AGAP1: variants seen among roughly 807,000 people sequenced by gnomAD.
AGAP1 encodes the protein ArfGAP with GTPase domain, ankyrin repeat and PH domain 1, also known as arf-GAP with GTPase, ANK repeat and PH domain-containing protein 1.
AGAP1 carries 29 observed loss-of-function variants against 105.3 expected under a neutral mutation model. The observed-to-expected ratio is 0.28, with a 90% CI of 0.21 to 0.38. The LOEUF (loss-of-function observed/expected upper bound fraction) is 0.38. AGAP1 is among the 10% of genes least tolerant of loss of function. AGAP1 has a pLI of 1.00. For missense variants in AGAP1, 998 were observed against 1,165.1 expected (o/e 0.86, Z 2.09); for synonymous variants, 509 against 485.9 (o/e 1.05, Z -0.63).
chr2:235,722,383 A>G (rs1243796627), intron 3 of AGAP1, among the ~76,000 whole-genome samples: 1 of 152,134 alleles, frequency 6.6e-6, no homozygotes, highest in Non-Finnish European at 1.5e-5. Context: ...ACTTTATCCT[A>G]ATCATGACCT....
intron 1 of AGAP1, among the ~76,000 whole-genome samples, chr2:235,501,026 C>A (rs1470647617): frequency 6.6e-6 from 1 of 152,168 alleles, no homozygotes; most frequent in Non-Finnish European, 1.5e-5. Flanking sequence ...GCCTGCTTTC[C>A]ATGGGACAGG....
rs976539855 is a variant in AGAP1 at position 235,736,375 on chromosome 2, C to T, written c.311-4588C>T. ...GTTATGCTGATGTCATTTAATCGTA[C>T]GTCATCATAATTGGCAGCAGAGAAG... On this transcript the variant is annotated intron_variant, in intron 3 of 17. Transcript: ENST00000304032. The surrounding 1 kb of genome is among the most constrained non-coding windows in gnomAD (Gnocchi z 5.5). 8.5e-5 allele frequency among the ~76,000 whole-genome samples: 13 copies of T among 152,060 alleles called. No individual in the cohort carries two copies. Among genetic ancestry groups the T allele is most frequent in the Non-Finnish European group, 7.4e-5 (5 of 68,020 alleles).
chr2:235,863,684 C>T (rs1256372880), intron 9 of AGAP1, among the ~76,000 whole-genome samples: 3 of 152,232 alleles, frequency 2.0e-5, no homozygotes, highest in South Asian at 2.1e-4. Flanking sequence ...TGGCTAACTA[C>T]GGGTCGCTGG....
chr2:235,782,700 T>C (rs1956343299), intron 6 of AGAP1, among the ~76,000 whole-genome samples: 1 of 152,208 alleles, frequency 6.6e-6, no homozygotes, highest in African/African-American at 2.4e-5. Flanking sequence ...GGGAGAACGC[T>C]GAAGCCCAGA....
chr2:235,870,438 C>T (rs981929950), intron 9 of AGAP1, among the ~76,000 whole-genome samples: 2 of 152,096 alleles, frequency 1.3e-5, no homozygotes, highest in African/African-American at 4.8e-5. Flanking sequence ...ACCAGCCTAG[C>T]CAACATGGCG....
Position 235,963,994 on chromosome 2 carries a change from C to T in AGAP1, c.1484-4468C>T, listed in dbSNP as rs771154161. The stretch of plus-strand genomic sequence containing the variant: ...ACGGAAGAGAGTTTATGATATAATG[C>T]ACCTACTGTAGGCTCAGCATTGCAC... On this transcript the variant is annotated intron_variant, in intron 12 of 17. Transcript: ENST00000304032. The surrounding 1 kb of genome is among the most constrained non-coding windows in gnomAD (Gnocchi z 5.1). Among the ~76,000 whole-genome samples, 8 of 152,180 alleles carry T rather than the reference C, an allele frequency of 5.3e-5. No individual in the cohort carries two copies. Among genetic ancestry groups the T allele is most frequent in the Non-Finnish European group, 1.0e-4 (7 of 68,052 alleles).
intron 16 of AGAP1, among the ~76,000 whole-genome samples, chr2:236,077,833 T>C (rs772991590): frequency 6.6e-6 from 1 of 152,208 alleles, no homozygotes; most frequent in African/African-American, 2.4e-5. Flanking sequence ...GGTCAAAGGC[T>C]GTGGACTTTT....
rs1122744 is a variant in AGAP1, at chr2:236,115,745, G to A, written c.2115-4447G>A. Among the ~76,000 whole-genome samples, 93 of 152,298 alleles carry A rather than the reference G, an allele frequency of 6.1e-4. No individual in the cohort carries two copies. The East Asian group carries it at 0.016, about 27-fold the overall frequency. ...ACTCCCTGGCCACCTCCTACTGTCC[G>A]AGAAAACACTGAAATATAGCAGTCC... is the stretch of plus-strand genomic sequence containing the variant. On this transcript the variant is annotated intron_variant, in intron 16 of 17. Transcript: ENST00000304032.
At position 235,854,340 on chromosome 2, in the gene AGAP1, G is replaced by GT. The variant is rs544421339; in HGVS notation, c.1051-29003dup. 1.1e-3 allele frequency among the ~76,000 whole-genome samples: 172 copies of GT among 152,346 alleles called. 1 individual carries two copies. The highest frequency in any genetic ancestry group is 3.9e-3 in the African/African-American group (161 of 41,572). Reference sequence around the variant, plus strand: ...CCAACTGAACGTGGGCTGTGGTCCTGTTGGCTCCCTATGGGCCTGCTCTCC... The same window carrying GT: ...CCAACTGAACGTGGGCTGTGGTCCTGTTTGGCTCCCTATGGGCCTGCTCTCC... On this transcript the variant is annotated intron_variant, in intron 9 of 17. Coordinates refer to ENST00000304032, the MANE Select transcript of AGAP1 (RefSeq NM_001037131.3).
In AGAP1 at chr2:235,734,671, C is replaced by T. The variant is rs2149627712; in HGVS notation, c.311-6292C>T. On this transcript the variant is annotated intron_variant, in intron 3 of 17. Coordinates refer to ENST00000304032, the MANE Select transcript of AGAP1 (RefSeq NM_001037131.3). The surrounding 1 kb of genome is among the most constrained non-coding windows in gnomAD (Gnocchi z 5.3). Reference sequence around the variant, plus strand: ...ATTGGAGCTAAAGACAGAGGCCACCCTTCCCAAGTGTGAGTGGAGTAAGGA... The same window carrying T: ...ATTGGAGCTAAAGACAGAGGCCACCTTTCCCAAGTGTGAGTGGAGTAAGGA... Among the ~76,000 whole-genome samples, 1 of 152,350 alleles carries T rather than the reference C, an allele frequency of 6.6e-6. No homozygotes were observed. Among genetic ancestry groups the T allele is most frequent in the East Asian group, 1.9e-4 (1 of 5,192 alleles).
intron 10 of AGAP1, among the ~76,000 whole-genome samples, chr2:235,898,472 T>TCCCCCCCCCCCCCC (rs34001914): frequency 1.6e-5 from 2 of 121,352 alleles, no homozygotes; most frequent in African/African-American, 3.4e-5. Context: ...GAGGACAGGT[T>TCCCCCCCCCCCCCC]CCCCCCCCCA....
rs1956698447 is a variant in AGAP1 at position 235,787,206 on chromosome 2, TG to T, written c.674-10551del. Among the ~76,000 whole-genome samples the T allele has an allele frequency of 6.6e-6, 1 of 152,230 alleles. No homozygotes were observed. Among genetic ancestry groups the T allele is most frequent in the South Asian group, 2.1e-4 (1 of 4,838 alleles). ...AGCTAGCAGGGGCCGCCTCTACCCT[TG>T]GCTGCTGCTTCCAAACCATGTGGGT... On this transcript the variant is annotated intron_variant, in intron 6 of 17. Transcript: ENST00000304032. This position sits in a 1 kb window ranked among gnomAD's most constrained non-coding sequence, Gnocchi z 4.4.
At chr2:235,774,377 T>C in intron 6 of AGAP1, 1 of 470,874 alleles carries the variant, frequency 2.1e-6, no homozygotes, top group South Asian at 1.5e-5. Flanking sequence ...CTGCTTCCAG[T>C]TTTTAAAAAG....
At chr2:235,564,394 G>GT (rs1181429621) in intron 1 of AGAP1, among the ~76,000 whole-genome samples, 4 of 152,220 alleles carry the variant, frequency 2.6e-5, no homozygotes, top group Admixed American at 6.5e-5. Flanking sequence ...GGTGCCTTCG[G>GT]TGGGGGAAGG....
intron 10 of AGAP1, among the ~76,000 whole-genome samples, chr2:235,902,016 A>G (rs2125000708): frequency 6.6e-6 from 1 of 152,372 alleles, no homozygotes; most frequent in African/African-American, 2.4e-5. Flanking sequence ...ACCACCCATT[A>G]CATGTTAGTA....
At chr2:236,030,807 A>G (rs1374479568) in intron 13 of AGAP1, among the ~76,000 whole-genome samples, 1 of 152,194 alleles carries the variant, frequency 6.6e-6, no homozygotes, top group Non-Finnish European at 1.5e-5. Flanking sequence ...CAGTAAACTC[A>G]GCGAAGTGTT....
intron 7 of AGAP1, 21 bp downstream of exon 7, chr2:235,797,907 A>G: frequency 6.2e-7 from 1 of 1,613,842 alleles, no homozygotes; most frequent in Non-Finnish European, 8.5e-7. Context: ...TGACATGAGA[A>G]GTCAGACTCT....
intron 3 of AGAP1, among the ~76,000 whole-genome samples, chr2:235,727,532 C>T (rs1951708675): frequency 1.3e-5 from 2 of 152,326 alleles, no homozygotes; most frequent in South Asian, 2.1e-4. Flanking sequence ...GGACCTCTGA[C>T]ATTTTCAGGC....
chr2:235,676,699 G>T (rs990984758), intron 1 of AGAP1, among the ~76,000 whole-genome samples: 2 of 152,056 alleles, frequency 1.3e-5, no homozygotes, highest in African/African-American at 2.4e-5. Flanking sequence ...AAATATTTTC[G>T]GTATATGGTT....
Sources: allele counts gnomAD v4.1 joint callset (sites outside exome capture counted in the v4.1 genomes callset), GRCh38; gene constraint gnomAD v4.1.1; non-coding constraint Gnocchi (gnomAD v3.1); transcripts MANE v1.5; gene names NCBI Gene and HGNC (gene_info 2026-07-23, HGNC 2026-07-21).